The following SLC4A2 variants were observed in gnomAD, a reference collection of about 807,000 sequenced individuals.
SLC4A2 encodes solute carrier family 4 member 2.
SLC4A2 carries 36 observed loss-of-function variants against 115.0 expected under a neutral mutation model. That is an observed-to-expected ratio of 0.31 (90% CI 0.24 to 0.41). The LOEUF is 0.41. Among genes scored for constraint, SLC4A2 ranks in the 10% least tolerant of loss-of-function variants. The pLI is 1.00. For synonymous variants in SLC4A2, 708 were observed against 708.3 expected (o/e 1.00, Z 0.01); for missense variants, 1,252 against 1,705.6 (o/e 0.73, Z 4.68).
chr7:151,061,586 C>T (rs538672347), intron 1 of SLC4A2: 15 of 204,832 alleles, frequency 7.3e-5, no homozygotes, highest in African/African-American at 3.0e-4. Context: ...CTTTCCCCAG[C>T]TCATTATCAC....
At position 151,061,983 on chromosome 7, in the gene SLC4A2, C is replaced by T. The variant is rs1235677631; in HGVS notation, c.-5C>T. ...AGCGACAGCGAAAAGGGCTAAGATT[C>T]GGCCATGAGCAGCGCCCCTCGGCGC... On this transcript the variant is annotated 5_prime_UTR_variant, in exon 2 of 23. Coordinates refer to ENST00000413384, the MANE Select transcript of SLC4A2 (RefSeq NM_003040.4). 5 of 1,609,786 alleles carry T rather than the reference C, an allele frequency of 3.1e-6. No homozygotes were observed. Among genetic ancestry groups the T allele is most frequent in the Middle Eastern group, 1.7e-4 (1 of 6,056 alleles).
intron 6 of SLC4A2, 32 bp downstream of exon 6, chr7:151,066,793 T>C: frequency 6.3e-7 from 1 of 1,589,124 alleles, no homozygotes; most frequent in East Asian, 2.3e-5. Context: ...AGCCCGGCAC[T>C]GGTGGGCAAA....
At chr7:151,069,159 A>AAAAAAAAAAAAAAAAAAAAAG (rs1554451788) in intron 8 of SLC4A2, among the ~76,000 whole-genome samples, 1 of 147,946 alleles carries the variant, frequency 6.8e-6, no homozygotes, top group Non-Finnish European at 1.5e-5. Context: ...AAAAAAAAAA[A>AAAAAAAAAAAAAAAAAAAAAG]GCAGCTGAGG....
intron 22 of SLC4A2, 21 bp from the exon 23 acceptor site, chr7:151,076,266 C>T (rs1797637851): frequency 4.4e-6 from 7 of 1,579,260 alleles, no homozygotes; most frequent in Admixed American, 1.7e-5. Flanking sequence ...CCCTTCTTGA[C>T]CGCCACCTCC....
rs773317358 is a variant in SLC4A2, at chr7:151,064,192, T to C, written c.52-10T>C. The C allele has an allele frequency of 6.8e-6, 11 of 1,610,782 alleles. No homozygotes were observed. The highest frequency in any genetic ancestry group is 4.5e-5 in the East Asian group (2 of 44,810). ...CCCTGTGTGTTTTCTCTCTGCCTTC[T>C]TCCTCACAGCCAGAGCCAGAGAGCT... On this transcript the variant is annotated splice_polypyrimidine_tract_variant and intron_variant, in intron 2 of 22. Transcript: ENST00000413384.
chr7:151,062,012 G>A lies in SLC4A2; in HGVS notation c.25G>A (p.Ala9Thr), dbSNP rs768070429. 8.1e-6 allele frequency: 13 copies of A among 1,610,456 alleles called. No homozygotes were observed. Among genetic ancestry groups the A allele is most frequent in the Non-Finnish European group, 9.3e-6 (11 of 1,179,702 alleles). MSSAPRRP[A>T]KGADSFCTPE... ...CATGAGCAGCGCCCCTCGGCGCCCCGCCAAGGGCGCAGATTCTTTCTGTAC... is the reference window on the plus strand; with the variant it reads ...CATGAGCAGCGCCCCTCGGCGCCCCACCAAGGGCGCAGATTCTTTCTGTAC... Residue 9 changes from alanine to threonine, a missense_variant, in exon 2 of 23, where the codon GCC becomes ACC. Physicochemically the swap from Ala to Thr is moderately conservative, Grantham distance 58 (BLOSUM62 0). Transcript: ENST00000413384.
At chr7:151,069,140 CAAAAAAAAAA>C (rs397978007) in intron 8 of SLC4A2, among the ~76,000 whole-genome samples, 4 of 40,950 alleles carry the variant, frequency 9.8e-5, no homozygotes, top group African/African-American at 3.9e-4. Flanking sequence ...CTCTTATCAC[CAAAAAAAAAA>C]AAAAAAAAAG....
At chr7:151,061,895 C>T (rs1372089945) in intron 1 of SLC4A2, 30 bp from the exon 2 acceptor site, 4 of 1,203,616 alleles carry the variant, frequency 3.3e-6, no homozygotes, top group African/African-American at 3.0e-5. Flanking sequence ...CCAGGGCTCT[C>T]GATGGTGATC....
chr7:151,064,486 C>T, intron 3 of SLC4A2, 40 bp from the exon 4 acceptor site: 2 of 1,589,932 alleles, frequency 1.3e-6, no homozygotes, highest in Non-Finnish European at 1.7e-6. Context: ...AGGGGAGGGA[C>T]ACTGTGCCTG....
rs949527838 is a variant in SLC4A2, at chr7:151,071,409, G to A, written c.1995G>A (p.Glu665=). ...AQDKALLQMV[E]AAGAAEDDPL... ...TTGCAGCGCTCCTGCAGATGGTAGA[G>A]GCGGCAGGGGCAGCTGAAGATGATC... Residue 665 remains glutamate (E), a synonymous_variant, in exon 14 of 23, where the codon GAG becomes GAA. Coordinates refer to ENST00000413384, the MANE Select transcript of SLC4A2 (RefSeq NM_003040.4). This position sits in a 1 kb window ranked among gnomAD's most constrained non-coding sequence, Gnocchi z 5.5. 6 of 1,598,878 alleles carry A rather than the reference G, an allele frequency of 3.8e-6. No individual in the cohort carries two copies. In the African/African-American group the frequency reaches 6.7e-5, roughly 18 times the overall value.
intron 1 of SLC4A2, 117 bp from the exon 2 acceptor site, chr7:151,061,808 T>A: frequency 1.7e-6 from 1 of 603,818 alleles, no homozygotes; most frequent in East Asian, 2.8e-5. Context: ...TGGCTGCCGC[T>A]AAGGGCCACT....
Position 151,064,869 on chromosome 7 carries a change from A to G in SLC4A2, c.481A>G (p.Ser161Gly), listed in dbSNP as rs769452530. 3.7e-6 allele frequency: 6 copies of G among 1,613,854 alleles called. No individual in the cohort carries two copies. In the Admixed American group the frequency reaches 1.0e-4, roughly 27 times the overall value. Residue 161 changes from serine (S) to glycine (G), a missense_variant, in exon 5 of 23, where the codon AGT (serine) becomes GGT (glycine). Physicochemically the swap from Ser to Gly is moderately conservative, Grantham distance 56. Transcript: ENST00000413384. ...ACAGTTCTTTCTCCAAGAGGATGAC[A>G]GTGCTGACCGGAAGGCAGAGAGGAC... ...SVQFFLQEDD[S>G]ADRKAERTSP...
chr7:151,070,400 G>T, intron 10 of SLC4A2, 54 bp downstream of exon 10: 1 of 1,611,888 alleles, frequency 6.2e-7, no homozygotes, highest in African/African-American at 1.3e-5. Flanking sequence ...GGAAGCCTGG[G>T]TGTGGACTCA....
Position 151,061,655 on chromosome 7 carries a change from C to G in SLC4A2, c.-63-270C>G, listed in dbSNP as rs763311256. ...CCTGGGCCTTGACTCCTTTCTCCCT[C>G]ATTTTTCTTGCGGCCTTTCCCACCT... On this transcript the variant is annotated intron_variant, in intron 1 of 22. Transcript: ENST00000413384. 3 of 355,956 alleles carry G rather than the reference C, an allele frequency of 8.4e-6. No homozygotes were observed. The East Asian group carries it at 1.3e-4, about 16-fold the overall frequency. The allele number at this position is 355,956 out of a possible 1,614,324, so 22.0% of individuals were successfully genotyped here.
rs780321032 is a variant in SLC4A2, at chr7:151,064,252, G to A, written c.102G>A (p.Glu34=). Residue 34 remains glutamate, a synonymous_variant, in exon 3 of 23, where the codon GAG becomes GAA. Transcript: ENST00000413384. The part of the protein sequence containing the change: ...GPGTPGFPEQ[E]EDELHRTLGV... Reference sequence around the variant, plus strand: ...GGACGCCTGGGTTCCCCGAGCAGGAGGAAGACGAACTTCACCGCACCCTGG... The same window carrying A: ...GGACGCCTGGGTTCCCCGAGCAGGAAGAAGACGAACTTCACCGCACCCTGG... 1 of 1,612,594 alleles carries A rather than the reference G, an allele frequency of 6.2e-7. No homozygotes were observed.
rs760330437 is a variant in SLC4A2, at chr7:151,071,007, C to T, written c.1750-65C>T. The T allele has an allele frequency of 6.3e-7, 1 of 1,592,812 alleles. No homozygotes were observed. The highest frequency in any genetic ancestry group is 8.6e-7 in the Non-Finnish European group (1 of 1,166,256). On this transcript the variant is annotated intron_variant, in intron 12 of 22. Transcript: ENST00000413384. This position sits in a 1 kb window ranked among gnomAD's most constrained non-coding sequence, Gnocchi z 5.5. ...GCCTCCCACCCACTGGCCTTGCCCA[C>T]CCTCAGCTCCAGGCCCTCAGCCCTC... is the stretch of plus-strand genomic sequence containing the variant.
Position 151,074,189 on chromosome 7 carries a change from G to T in SLC4A2, c.2686G>T (p.Gly896Cys). The change falls in exon 17 of 23, where the codon GGC becomes TGC. Residue 896 changes from glycine to cysteine, a missense_variant. This residue lies in a region of SLC4A2 where 55 missense variants were observed against 48.6 expected (regional missense o/e 1.13). Coordinates refer to ENST00000413384, the MANE Select transcript of SLC4A2 (RefSeq NM_003040.4). ...AGQSGQGKPR[G>C]QPNTALLSLV... is the part of the protein sequence containing the mutation. ...GCAGTCTGGGCAGGGGAAGCCCCGG[G>T]GCCAGCCCAACACGGCCCTGCTGTC... 6.2e-7 allele frequency: 1 copy of T among 1,613,050 alleles called. No homozygotes were observed. Among genetic ancestry groups the T allele is most frequent in the Non-Finnish European group, 8.5e-7 (1 of 1,180,012 alleles).
At chr7:151,067,036 G>A (rs528230205) in intron 7 of SLC4A2, 43 bp downstream of exon 7, 27 of 1,531,290 alleles carry the variant, frequency 1.8e-5, no homozygotes, top group East Asian at 4.5e-5. Context: ...CTTCCCACAC[G>A]ACCCTGCCCC....
chr7:151,064,644 C>G lies in SLC4A2; in HGVS notation c.336C>G (p.Ala112=). ...GGAAGCCTCGAAGGCGCCCGGGAGC[C>G]TCCCCGACTGGAGAAACCCCGACCA... ...PGRKPRRRPG[A]SPTGETPTIE... Residue 112 remains alanine (A), a synonymous_variant, in exon 4 of 23, where the codon GCC becomes GCG. Transcript: ENST00000413384. The G allele has an allele frequency of 6.2e-7, 1 of 1,613,744 alleles. No homozygotes were observed. Among genetic ancestry groups the G allele is most frequent in the African/African-American group, 1.3e-5 (1 of 75,038 alleles).
Sources: allele counts gnomAD v4.1 joint callset (sites outside exome capture counted in the v4.1 genomes callset), GRCh38; gene constraint gnomAD v4.1.1; regional missense constraint gnomAD v4.1.1; non-coding constraint Gnocchi (gnomAD v3.1); transcripts MANE v1.5; gene names NCBI Gene and HGNC (gene_info 2026-07-23, HGNC 2026-07-21).